ATG7: variants seen among roughly 807,000 people sequenced by gnomAD.
ATG7 encodes the protein ubiquitin-like modifier-activating enzyme ATG7.
ATG7 carries 70 observed loss-of-function variants against 82.4 expected under a neutral mutation model. The observed-to-expected ratio is 0.85, with a 90% CI of 0.70 to 1.04. The LOEUF (loss-of-function observed/expected upper bound fraction) is 1.04. Ranked by LOEUF, ATG7 falls within the 50% of genes least tolerant of loss-of-function variation. ATG7 has a pLI of 0.00. For missense variants in ATG7, 792 were observed against 864.3 expected, an observed-to-expected ratio of 0.92 and a Z score of 1.05; for synonymous variants, 287 against 313.0, an observed-to-expected ratio of 0.92 and a Z score of 0.88.
the ATG7 span, among the ~76,000 whole-genome samples, chr3:11,567,227 A>AT: frequency 6.6e-6 from 1 of 152,056 alleles, no homozygotes; most frequent in African/African-American, 2.4e-5. Context: ...CACCCAGAGG[A>AT]CTCTAAATGG....
intron 14 of ATG7, among the ~76,000 whole-genome samples, chr3:11,351,276 G>T (rs1042810764): frequency 2.0e-5 from 3 of 152,204 alleles, no homozygotes; most frequent in Non-Finnish European, 2.9e-5. Context: ...TGTAATACAT[G>T]CAGGAAGCAG....
intron 19 of ATG7, among the ~76,000 whole-genome samples, chr3:11,384,430 A>G (rs745750875): frequency 1.3e-5 from 2 of 152,184 alleles, no homozygotes; most frequent in East Asian, 1.9e-4. Context: ...TGACTATGCA[A>G]TAGGTTCTTC....
intron 20 of ATG7, among the ~76,000 whole-genome samples, chr3:11,544,846 G>A (rs1050367705): frequency 3.3e-5 from 5 of 152,224 alleles, no homozygotes; most frequent in Non-Finnish European, 7.3e-5. Context: ...GCTCTGAGCC[G>A]GGGCTGGGGA....
intron 19 of ATG7, among the ~76,000 whole-genome samples, chr3:11,417,809 TA>T (rs1335409266): frequency 0.026 from 1,234 of 46,926 alleles, 43 homozygotes; most frequent in East Asian, 0.082. Flanking sequence ...TATTTTATTT[TA>T]TTTTATTTTT....
intron 20 of ATG7, among the ~76,000 whole-genome samples, chr3:11,441,891 C>A (rs1246947936): frequency 1.3e-5 from 2 of 151,856 alleles, no homozygotes; most frequent in African/African-American, 4.8e-5. Context: ...GTCTTGAACT[C>A]TTGACCTCAG....
At chr3:11,560,045 C>T (rs1287525910), downstream of ATG7, among the ~76,000 whole-genome samples, 1 of 152,060 alleles carries the variant, frequency 6.6e-6, no homozygotes, top group East Asian at 1.9e-4. Flanking sequence ...CACAGCCTCA[C>T]TCTCTCCTTC....
At chr3:11,528,652 C>A (rs2124962924) in intron 20 of ATG7, among the ~76,000 whole-genome samples, 1 of 151,694 alleles carries the variant, frequency 6.6e-6, no homozygotes. Context: ...ATGGTGAAAC[C>A]CCATCTCTAC....
intron 20 of ATG7, among the ~76,000 whole-genome samples, chr3:11,453,448 C>A (rs746304280): frequency 2.6e-5 from 4 of 152,194 alleles, no homozygotes; most frequent in African/African-American, 9.7e-5. Flanking sequence ...CCAACAATAG[C>A]ACACCCTTCG....
intron 20 of ATG7, among the ~76,000 whole-genome samples, chr3:11,471,124 C>T (rs918947991): frequency 6.6e-6 from 1 of 152,164 alleles, no homozygotes; most frequent in African/African-American, 2.4e-5. Context: ...AGCAACCAGG[C>T]GGCCCTTTTG....
downstream of ATG7, among the ~76,000 whole-genome samples, chr3:11,562,397 G>C (rs145950767): frequency 3.2e-3 from 489 of 152,186 alleles, 3 homozygotes; most frequent in African/African-American, 0.01. Context: ...CTGCCACACA[G>C]AGGAAGGCTT....
chr3:11,494,470 T>G (rs930693332), intron 20 of ATG7, among the ~76,000 whole-genome samples: 1 of 152,152 alleles, frequency 6.6e-6, no homozygotes, highest in African/African-American at 2.4e-5. Flanking sequence ...CTGTGTTAAT[T>G]CAAAAGAAAT....
At chr3:11,282,749 C>G (rs181784870) in intron 3 of ATG7, among the ~76,000 whole-genome samples, 202 of 152,282 alleles carry the variant, frequency 1.3e-3, no homozygotes, top group Non-Finnish European at 2.5e-3. Flanking sequence ...TTAAACCTCC[C>G]TCTTTAACAG....
chr3:11,511,950 G>A (rs754524887), intron 20 of ATG7, among the ~76,000 whole-genome samples: 79 of 152,178 alleles, frequency 5.2e-4, no homozygotes, highest in Non-Finnish European at 8.2e-4. Flanking sequence ...AGCGCCGCAT[G>A]CAGCCCTGGT....
At chr3:11,394,177 A>C (rs1288845451) in intron 19 of ATG7, among the ~76,000 whole-genome samples, 1 of 152,212 alleles carries the variant, frequency 6.6e-6, no homozygotes, top group Non-Finnish European at 1.5e-5. Context: ...AGTTACTACC[A>C]AGAAGAGCTA....
At chr3:11,418,146 C>G (rs972721273) in intron 19 of ATG7, among the ~76,000 whole-genome samples, 6 of 151,658 alleles carry the variant, frequency 4.0e-5, no homozygotes, top group Admixed American at 1.3e-4. Flanking sequence ...ACTCTGTTGT[C>G]CAGGCTGGAG....
chr3:11,396,077 A>G (rs4684070), intron 19 of ATG7, among the ~76,000 whole-genome samples: 127,421 of 149,164 alleles, frequency 0.85, 54,645 homozygotes, highest in East Asian at 1. Context: ...TCTTCTCCAA[A>G]TAGGAGGAAG....
chr3:11,572,894 G>A, the ATG7 span, among the ~76,000 whole-genome samples: 2 of 152,078 alleles, frequency 1.3e-5, no homozygotes, highest in Admixed American at 6.6e-5. Context: ...TAGGCCAGGC[G>A]CAGTGGCTCA....
intron 20 of ATG7, among the ~76,000 whole-genome samples, chr3:11,448,315 T>TCTC (rs971744316): frequency 3.3e-5 from 5 of 152,100 alleles, no homozygotes; most frequent in African/African-American, 1.2e-4. Flanking sequence ...TCCTCCATGC[T>TCTC]CTCCTGAGGC....
chr3:11,364,623 A>T (rs762688474), intron 17 of ATG7, 36 bp from the exon 18 acceptor site: 30 of 1,606,254 alleles, frequency 1.9e-5, no homozygotes, highest in Non-Finnish European at 1.4e-5. Flanking sequence ...TTAAACTTGG[A>T]TTAAATGAGC....
Sources: gnomAD v4.1 joint callset for allele counts (sites outside exome capture counted in the v4.1 genomes callset) on GRCh38, gnomAD v4.1.1 for gene constraint, MANE v1.5 for transcripts, NCBI Gene and HGNC (gene_info 2026-07-23, HGNC 2026-07-21) for gene names.